HS3ST4: variants seen among roughly 807,000 people sequenced by gnomAD.
HS3ST4 encodes the protein heparan sulfate-glucosamine 3-sulfotransferase 4, also known as heparan sulfate glucosamine 3-O-sulfotransferase 4.
A neutral mutation model predicts 29.2 loss-of-function variants in HS3ST4; 17 were observed. The observed-to-expected ratio is 0.58, with a 90% confidence interval of 0.40 to 0.87. HS3ST4 has a LOEUF of 0.87. HS3ST4 is among the 40% of genes least tolerant of loss of function. The pLI, the probability that HS3ST4 is intolerant of heterozygous loss-of-function variation, is 0.00. For synonymous variants in HS3ST4, 314 were observed against 285.7 expected (o/e 1.10, Z -1.00); for missense variants, 627 against 634.5 (o/e 0.99, Z 0.13).
At chr16:25,967,023 C>T (rs1968849307) in intron 1 of HS3ST4, among the ~76,000 whole-genome samples, 1 of 152,208 alleles carries the variant, frequency 6.6e-6, no homozygotes, top group Non-Finnish European at 1.5e-5. Context: ...CCAGCCTGGA[C>T]CTACAGATTG....
chr16:26,028,612 T>C (rs1291162661), intron 1 of HS3ST4, among the ~76,000 whole-genome samples: 1 of 152,296 alleles, frequency 6.6e-6, no homozygotes, highest in African/African-American at 2.4e-5. Context: ...TGCAATGTGA[T>C]GGGCTAGTTT....
intron 1 of HS3ST4, among the ~76,000 whole-genome samples, chr16:25,923,727 G>A (rs998379901): frequency 6.6e-6 from 1 of 152,298 alleles, no homozygotes; most frequent in Middle Eastern, 3.4e-3. Flanking sequence ...AAGATCTGAT[G>A]AGCAGCTCTA....
intron 1 of HS3ST4, among the ~76,000 whole-genome samples, chr16:25,957,376 G>A (rs1968746678): frequency 6.6e-6 from 1 of 152,014 alleles, no homozygotes; most frequent in Admixed American, 6.6e-5. Context: ...AATTTTATCT[G>A]CAGCAATGTA....
rs1968615185 is a variant in HS3ST4 at position 25,945,398 on chromosome 16, A to G, written c.735-190214A>G. On this transcript the variant is annotated intron_variant, in intron 1 of 1. Transcript: ENST00000331351. Reference sequence around the variant, plus strand: ...ACACCAGAGTTTGTTTAGTCAGTCCACTAGTACTAAATTTGGTTCCCAGGC... The same window carrying G: ...ACACCAGAGTTTGTTTAGTCAGTCCGCTAGTACTAAATTTGGTTCCCAGGC... 3.9e-5 allele frequency among the ~76,000 whole-genome samples: 6 copies of G among 152,296 alleles called. No individual in the cohort carries two copies. The South Asian group carries it at 1.2e-3, about 32-fold the overall frequency.
chr16:26,083,749 G>A (rs192227691), intron 1 of HS3ST4, among the ~76,000 whole-genome samples: 2 of 152,188 alleles, frequency 1.3e-5, no homozygotes, highest in African/African-American at 4.8e-5. Context: ...AAATAAACCA[G>A]GAAAGAGTTA....
intron 1 of HS3ST4, among the ~76,000 whole-genome samples, chr16:25,852,580 CT>C (rs1474316605): frequency 2.9e-5 from 4 of 139,510 alleles, no homozygotes; most frequent in Admixed American, 2.8e-4. Context: ...TTTTTTTTTT[CT>C]TTTAAAAGCT....
chr16:26,033,730 G>A (rs995311786), intron 1 of HS3ST4, among the ~76,000 whole-genome samples: 2 of 151,646 alleles, frequency 1.3e-5, no homozygotes, highest in Non-Finnish European at 2.9e-5. Context: ...AAAGAAAGAC[G>A]GACAGAAAGA....
At chr16:26,031,400 T>C (rs1596656412) in intron 1 of HS3ST4, among the ~76,000 whole-genome samples, 1 of 152,324 alleles carries the variant, frequency 6.6e-6, no homozygotes, top group Admixed American at 6.5e-5. Context: ...TCATTTCTAT[T>C]GGAATAAGCT....
At chr16:26,077,246 CA>C (rs1247219313) in intron 1 of HS3ST4, among the ~76,000 whole-genome samples, 1 of 152,224 alleles carries the variant, frequency 6.6e-6, no homozygotes, top group African/African-American at 2.4e-5. Flanking sequence ...GGGTCAGAGA[CA>C]GGCATAAAAC....
intron 1 of HS3ST4, among the ~76,000 whole-genome samples, chr16:25,754,831 C>T (rs140026924): frequency 2.0e-5 from 3 of 151,982 alleles, no homozygotes; most frequent in Non-Finnish European, 4.4e-5. Flanking sequence ...TGGGTGGGGA[C>T]ATAACCAAAC....
chr16:25,847,393 A>T (rs1456033240), intron 1 of HS3ST4, among the ~76,000 whole-genome samples: 1 of 152,156 alleles, frequency 6.6e-6, no homozygotes, highest in African/African-American at 2.4e-5. Context: ...AATTAAGTTG[A>T]GTTTAGTAGT....
At chr16:25,983,503 A>C (rs1969030110) in intron 1 of HS3ST4, among the ~76,000 whole-genome samples, 1 of 151,954 alleles carries the variant, frequency 6.6e-6, no homozygotes, top group African/African-American at 2.4e-5. Flanking sequence ...TTTTGTAGCA[A>C]CCCCATCTTC....
chr16:25,924,642 A>T (rs1018481983), intron 1 of HS3ST4, among the ~76,000 whole-genome samples: 4 of 152,204 alleles, frequency 2.6e-5, no homozygotes, highest in Non-Finnish European at 4.4e-5. Flanking sequence ...AAGTCCTGCA[A>T]ATACGACCTC....
At chr16:25,973,721 C>T (rs750188083) in intron 1 of HS3ST4, among the ~76,000 whole-genome samples, 9 of 152,194 alleles carry the variant, frequency 5.9e-5, no homozygotes, top group Non-Finnish European at 1.0e-4. Flanking sequence ...CCCACACCCC[C>T]ACACAAATGC....
intron 1 of HS3ST4, among the ~76,000 whole-genome samples, chr16:26,048,073 G>A (rs1458132211): frequency 2.0e-5 from 3 of 152,180 alleles, no homozygotes; most frequent in African/African-American, 7.2e-5. Flanking sequence ...CCTTTCTCCA[G>A]GCTGTTAGAT....
At chr16:26,112,250 ATG>A (rs35207548) in intron 1 of HS3ST4, among the ~76,000 whole-genome samples, 5,953 of 148,282 alleles carry the variant, frequency 0.04, 166 homozygotes, top group African/African-American at 0.084. Flanking sequence ...GTGTGTGTGT[ATG>A]TGTGTGTGTG....
intron 1 of HS3ST4, among the ~76,000 whole-genome samples, chr16:26,102,259 T>G (rs1411420497): frequency 7.9e-5 from 1 of 12,598 alleles, no homozygotes; most frequent in African/African-American, 1.4e-4. Context: ...AGCAATGATT[T>G]TTTTTTTTTC....
At chr16:25,929,734 A>G (rs1001562565) in intron 1 of HS3ST4, among the ~76,000 whole-genome samples, 3 of 152,206 alleles carry the variant, frequency 2.0e-5, no homozygotes, top group Non-Finnish European at 4.4e-5. Flanking sequence ...AGAAACAGCT[A>G]TGTTCAGCTT....
chr16:25,918,454 A>G (rs961905579), intron 1 of HS3ST4, among the ~76,000 whole-genome samples: 3 of 152,234 alleles, frequency 2.0e-5, no homozygotes, highest in Non-Finnish European at 4.4e-5. Flanking sequence ...GTAGCACTAC[A>G]TGGTTAAGCA....
Sources: allele counts gnomAD v4.1 joint callset (sites outside exome capture counted in the v4.1 genomes callset), GRCh38; gene constraint gnomAD v4.1.1; transcripts MANE v1.5; gene names NCBI Gene and HGNC (gene_info 2026-07-23, HGNC 2026-07-21).